The following NRXN3 variants were observed in gnomAD, a reference collection of about 807,000 sequenced individuals.
The protein encoded by NRXN3 is neurexin 3, also known as neurexin III.
In NRXN3, 32 loss-of-function variants were observed where a neutral mutation model predicts 137.6. That is an observed-to-expected ratio of 0.23 (90% CI 0.18 to 0.31). NRXN3 has a LOEUF of 0.31. Among genes scored for constraint, NRXN3 ranks in the 10% least tolerant of loss-of-function variants. The pLI, the probability that NRXN3 is intolerant of heterozygous loss-of-function variation, is 1.00. For missense variants in NRXN3, 1,574 were observed against 2,062.5 expected, an observed-to-expected ratio of 0.76 and a Z score of 4.59; for synonymous variants, 798 against 784.5, an observed-to-expected ratio of 1.02 and a Z score of -0.29.
At chr14:78,176,315 A>G (rs2059261364) in intron 1 of NRXN3, among the ~76,000 whole-genome samples, 2 of 151,782 alleles carry the variant, frequency 1.3e-5, no homozygotes, top group African/African-American at 4.8e-5. Context: ...TAGTAGTGGT[A>G]GTAATAGTCG....
intron 15 of NRXN3, among the ~76,000 whole-genome samples, chr14:79,017,247 C>A (rs1288764448): frequency 1.3e-5 from 2 of 151,520 alleles, no homozygotes; most frequent in African/African-American, 4.9e-5. Context: ...GTGTGCCCAT[C>A]TACCCCTTTC....
chr14:78,173,709 C>CTTTT (rs10638142), intron 1 of NRXN3, among the ~76,000 whole-genome samples: 1,489 of 69,310 alleles, frequency 0.021, 274 homozygotes, highest in African/African-American at 0.081. Context: ...TTTTTCCTTG[C>CTTTT]TTTTTTTTTT....
intron 4 of NRXN3, among the ~76,000 whole-genome samples, chr14:78,384,862 G>A (rs1220848297): frequency 6.6e-6 from 1 of 152,084 alleles, no homozygotes; most frequent in African/African-American, 2.4e-5. Flanking sequence ...CGTTTTATCC[G>A]TATGTATTTT....
At chr14:79,807,783 C>T (rs1303503929) in intron 20 of NRXN3, among the ~76,000 whole-genome samples, 1 of 152,176 alleles carries the variant, frequency 6.6e-6, no homozygotes, top group Non-Finnish European at 1.5e-5. Context: ...TTATTCAACT[C>T]ATCACATTTG....
intron 15 of NRXN3, among the ~76,000 whole-genome samples, chr14:79,209,114 G>A (rs773106191): frequency 9.9e-5 from 15 of 150,972 alleles, no homozygotes; most frequent in Non-Finnish European, 2.1e-4. Context: ...AATTTTTTGT[G>A]TTTTTAGTAG....
At chr14:78,220,413 G>A (rs2063729285) in intron 1 of NRXN3, among the ~76,000 whole-genome samples, 1 of 152,160 alleles carries the variant, frequency 6.6e-6, no homozygotes, top group Non-Finnish European at 1.5e-5. Context: ...GCAGCAGGAA[G>A]GCCTGGGAGG....
intron 7 of NRXN3, among the ~76,000 whole-genome samples, chr14:78,714,363 A>G (rs1223339828): frequency 1.3e-5 from 2 of 152,212 alleles, no homozygotes; most frequent in Non-Finnish European, 2.9e-5. Flanking sequence ...CCCATTTTAC[A>G]AATGAGGAAA....
At chr14:79,384,326 C>A (rs2094546448) in intron 15 of NRXN3, among the ~76,000 whole-genome samples, 1 of 152,018 alleles carries the variant, frequency 6.6e-6, no homozygotes. Flanking sequence ...TTGGTACAGT[C>A]AGTTAATGTC....
Position 78,371,358 on chromosome 14 carries a change from A to G in NRXN3, c.757+73498A>G, listed in dbSNP as rs866493389. 9.2e-5 allele frequency among the ~76,000 whole-genome samples: 14 copies of G among 152,276 alleles called. No homozygotes were observed. The Middle Eastern group carries it at 0.017, about 185-fold the overall frequency. ...TCTGGCTGGGCTTCCAGGAAAGATT[A>G]CTTTCTTCCTGCTCCATCCCCCTTC... is the stretch of plus-strand genomic sequence containing the variant. On this transcript the variant is annotated intron_variant, in intron 4 of 20. Coordinates refer to ENST00000335750, the MANE Select transcript of NRXN3 (RefSeq NM_001330195.2).
intron 4 of NRXN3, among the ~76,000 whole-genome samples, chr14:78,499,423 A>G (rs1326923230): frequency 2.0e-5 from 3 of 152,204 alleles, no homozygotes; most frequent in East Asian, 3.8e-4. Context: ...GGCCTCCCTT[A>G]CCTTCCCACT....
intron 16 of NRXN3, among the ~76,000 whole-genome samples, chr14:79,511,006 T>C (rs2096927391): frequency 6.6e-6 from 1 of 152,182 alleles, no homozygotes; most frequent in Admixed American, 6.5e-5. Flanking sequence ...CACAAAAGAA[T>C]GTTAACAACG....
intron 10 of NRXN3, among the ~76,000 whole-genome samples, chr14:78,850,198 C>T (rs927930246): frequency 5.3e-5 from 8 of 150,762 alleles, no homozygotes; most frequent in Non-Finnish European, 8.9e-5. Flanking sequence ...GAGAGAGGCT[C>T]CTGTAATGCC....
chr14:78,893,793 C>T (rs1478044921), intron 10 of NRXN3, among the ~76,000 whole-genome samples: 1 of 151,848 alleles, frequency 6.6e-6, no homozygotes, highest in Admixed American at 6.6e-5. Flanking sequence ...CAGATAAAAA[C>T]ATACCTTAGA....
chr14:79,032,813 C>T (rs1052271660), intron 15 of NRXN3, among the ~76,000 whole-genome samples: 1 of 152,088 alleles, frequency 6.6e-6, no homozygotes, highest in African/African-American at 2.4e-5. Context: ...TCCTAATTTC[C>T]TCTCTTATCT....
intron 1 of NRXN3, among the ~76,000 whole-genome samples, chr14:78,199,202 C>T (rs2153389562): frequency 6.6e-6 from 1 of 152,250 alleles, no homozygotes. Flanking sequence ...GAATCTTGGC[C>T]AGAGCTGTTG....
intron 8 of NRXN3, among the ~76,000 whole-genome samples, chr14:78,724,213 G>A (rs1296759575): frequency 1.3e-5 from 2 of 152,180 alleles, no homozygotes; most frequent in Non-Finnish European, 2.9e-5. Flanking sequence ...CCGATACTGA[G>A]TATTACGTAT....
intron 20 of NRXN3, among the ~76,000 whole-genome samples, chr14:79,832,001 C>A (rs2099325330): frequency 6.6e-6 from 1 of 152,072 alleles, no homozygotes; most frequent in Non-Finnish European, 1.5e-5. Context: ...GATTTCAGGA[C>A]ACCCCCTCGC....
intron 4 of NRXN3, among the ~76,000 whole-genome samples, chr14:78,587,295 G>A (rs1417996677): frequency 1.3e-5 from 2 of 152,188 alleles, no homozygotes; most frequent in Non-Finnish European, 2.9e-5. Context: ...AACCTCTAGA[G>A]CAGTGGCTTT....
intron 4 of NRXN3, among the ~76,000 whole-genome samples, chr14:78,324,927 A>G (rs2079867186): frequency 6.6e-6 from 1 of 151,790 alleles, no homozygotes; most frequent in Non-Finnish European, 1.5e-5. Context: ...GATCTGGAAG[A>G]ACAACTAAAC....
Sources: allele counts gnomAD v4.1 joint callset (sites outside exome capture counted in the v4.1 genomes callset), GRCh38; gene constraint gnomAD v4.1.1; transcripts MANE v1.5; gene names NCBI Gene and HGNC (gene_info 2026-07-23, HGNC 2026-07-21).